Variants in RGS12 observed in about 807,000 individuals in gnomAD.
RGS12 encodes regulator of G-protein signaling 12.
A neutral mutation model predicts 120.1 loss-of-function variants in RGS12; 66 were observed. The ratio of observed to expected loss-of-function variants is 0.55; its 90% CI spans 0.45 to 0.67. RGS12 has a LOEUF of 0.67. Ranked by LOEUF, RGS12 falls within the 30% of genes least tolerant of loss-of-function variation. The pLI is 0.00. For missense variants in RGS12, 1,859 were observed against 1,957.7 expected, an observed-to-expected ratio of 0.95 and a Z score of 0.95; for synonymous variants, 827 against 804.7, an observed-to-expected ratio of 1.03 and a Z score of -0.47.
intron 6 of RGS12, among the ~76,000 whole-genome samples, chr4:3,415,729 G>T (rs570557583): frequency 6.6e-6 from 1 of 152,260 alleles, no homozygotes; most frequent in Non-Finnish European, 1.5e-5. Flanking sequence ...TTGCCCCTGC[G>T]CAGCTGCTGC....
intron 13 of RGS12, among the ~76,000 whole-genome samples, chr4:3,424,164 A>G (rs1206800259): frequency 1.3e-5 from 2 of 152,254 alleles, no homozygotes; most frequent in African/African-American, 4.8e-5. Context: ...TGGTGACCGC[A>G]GGTGCTGGGC....
Position 3,422,870 on chromosome 4 carries a change from G to C in RGS12, c.3034-35G>C, listed in dbSNP as rs199576630. The C allele has an allele frequency of 4.9e-4, 776 of 1,589,814 alleles. 5 individuals are homozygous for C. In the African/African-American group the frequency reaches 9.4e-3, roughly 19 times the overall value. ...GTCTGCGTTTGGGGGGCTGCCTGCT[G>C]TGCCCACGTTGATTCTGGTCTCTCT... On this transcript the variant is annotated intron_variant, in intron 11 of 17. Coordinates refer to ENST00000336727, the MANE Select transcript of RGS12 (RefSeq NM_001394154.1).
chr4:3,383,379 G>A (rs1369714548), intron 3 of RGS12, among the ~76,000 whole-genome samples: 1 of 152,072 alleles, frequency 6.6e-6, no homozygotes. Context: ...GGTCAAGGTG[G>A]GAGGATTGCT....
chr4:3,431,222 T>C (rs1268839119), intron 17 of RGS12: 5 of 1,332,572 alleles, frequency 3.8e-6, no homozygotes, highest in Non-Finnish European at 4.8e-6. Context: ...GAATGATACG[T>C]GGCAGTGCCT....
At chr4:3,401,632 G>A (rs753315464) in intron 4 of RGS12, among the ~76,000 whole-genome samples, 11 of 152,242 alleles carry the variant, frequency 7.2e-5, no homozygotes, top group Non-Finnish European at 1.6e-4. Context: ...AGGAAGGAGC[G>A]GAGCTCTGAG....
intron 3 of RGS12, among the ~76,000 whole-genome samples, chr4:3,349,617 C>T (rs918538972): frequency 2.6e-5 from 4 of 151,974 alleles, no homozygotes; most frequent in Non-Finnish European, 5.9e-5. Flanking sequence ...CCTTACTTTT[C>T]GTATACTTTG....
At chr4:3,439,375 G>A in intron 17 of RGS12, 80 bp from the exon 18 acceptor site, 1 of 1,381,302 alleles carries the variant, frequency 7.2e-7, no homozygotes, top group Non-Finnish European at 1.0e-6. Context: ...GTCTGTGCAG[G>A]GGCCTTCGGG....
At chr4:3,420,462 G>T (rs1722883636) in intron 9 of RGS12, 180 bp from the exon 10 acceptor site, 3 of 656,484 alleles carry the variant, frequency 4.6e-6, no homozygotes, top group Non-Finnish European at 8.1e-6. Context: ...GGCTTCCAGG[G>T]TTAGGAAGAC....
chr4:3,318,004 A>G lies in RGS12; in HGVS notation c.1834A>G (p.Ile612Val). Residue 612 changes from isoleucine to valine, a missense_variant, in exon 2 of 18, where the codon ATT becomes GTT. Physicochemically the swap from Ile to Val is conservative, Grantham distance 29 (BLOSUM62 3). Coordinates refer to ENST00000336727, the MANE Select transcript of RGS12 (RefSeq NM_001394154.1). The part of the protein sequence containing the change: ...WSRKAFGMQS[I>V]FGPHRNVRKT... ...CAGGAAGGCCTTTGGAATGCAAAGC[A>G]TTTTTGGTCCCCATCGAAATGTTCG... is the stretch of plus-strand genomic sequence containing the variant. 1.2e-6 allele frequency: 2 copies of G among 1,611,958 alleles called. No individual in the cohort carries two copies. The highest frequency in any genetic ancestry group is 1.7e-6 in the Non-Finnish European group (2 of 1,179,074).
intron 6 of RGS12, among the ~76,000 whole-genome samples, chr4:3,415,644 C>T (rs904262324): frequency 2.6e-5 from 4 of 152,206 alleles, no homozygotes; most frequent in African/African-American, 7.2e-5. Context: ...TTCGTCTGCT[C>T]GCAATGCTCA....
chr4:3,348,459 T>C (rs569732623), intron 3 of RGS12, among the ~76,000 whole-genome samples: 1 of 152,314 alleles, frequency 6.6e-6, no homozygotes, highest in South Asian at 2.1e-4. Context: ...TTGGTTTGCC[T>C]GGAAGTAGAA....
intron 1 of RGS12, among the ~76,000 whole-genome samples, chr4:3,310,065 T>C (rs1440164083): frequency 1.6e-5 from 2 of 121,788 alleles, no homozygotes; most frequent in African/African-American, 3.3e-5. Flanking sequence ...GGGAACCGTG[T>C]GGGGGAGGAG....
chr4:3,304,306 T>C (rs1463903149), intron 1 of RGS12, among the ~76,000 whole-genome samples: 1 of 152,246 alleles, frequency 6.6e-6, no homozygotes, highest in Non-Finnish European at 1.5e-5. Flanking sequence ...AAACTACTCA[T>C]AATGTTGGTG....
chr4:3,427,074 C>T (rs1364400718), intron 14 of RGS12, among the ~76,000 whole-genome samples: 5 of 152,200 alleles, frequency 3.3e-5, no homozygotes, highest in Non-Finnish European at 7.3e-5. Context: ...AACTCTTGCT[C>T]CCCTCCCCAA....
At chr4:3,394,997 C>T (rs754868005) in intron 4 of RGS12, among the ~76,000 whole-genome samples, 2 of 151,738 alleles carry the variant, frequency 1.3e-5, no homozygotes, top group Admixed American at 6.6e-5. Context: ...GGCAAAACCC[C>T]GTCTCTACCA....
intron 4 of RGS12, among the ~76,000 whole-genome samples, chr4:3,397,467 G>A (rs1364081263): frequency 6.6e-6 from 1 of 152,194 alleles, no homozygotes; most frequent in Non-Finnish European, 1.5e-5. Flanking sequence ...GGGGTCGCGA[G>A]GAACCCAAGA....
intron 2 of RGS12, chr4:3,324,470 C>T (rs1725428479): frequency 8.5e-6 from 2 of 236,000 alleles, no homozygotes; most frequent in African/African-American, 2.3e-5. Context: ...CTGGTTGGTA[C>T]TGTGGGCCAG....
At chr4:3,438,242 G>T (rs1328916699) in intron 17 of RGS12, among the ~76,000 whole-genome samples, 2 of 151,736 alleles carry the variant, frequency 1.3e-5, no homozygotes, top group African/African-American at 4.8e-5. Flanking sequence ...CTGTCTCAGG[G>T]CCTCAGCCCC....
In RGS12 at chr4:3,389,545, G is replaced by A. The variant is rs1719244005; in HGVS notation, c.2020+3108G>A. 1.3e-5 allele frequency among the ~76,000 whole-genome samples: 2 copies of A among 152,128 alleles called. No homozygotes were observed. Among genetic ancestry groups the A allele is most frequent in the African/African-American group, 2.4e-5 (1 of 41,412 alleles). ...TGGCTCTGCACAGAGCTGGAGCCGC[G>A]GCCGCACAGAAGCCCGTTCTTGTGG... On this transcript the variant is annotated intron_variant, in intron 4 of 17. Coordinates refer to ENST00000336727, the MANE Select transcript of RGS12 (RefSeq NM_001394154.1). The surrounding 1 kb of genome is among the most constrained non-coding windows in gnomAD (Gnocchi z 5.2).
Sources: allele counts gnomAD v4.1 joint callset (sites outside exome capture counted in the v4.1 genomes callset), GRCh38; gene constraint gnomAD v4.1.1; non-coding constraint Gnocchi (gnomAD v3.1); transcripts MANE v1.5; gene names NCBI Gene and HGNC (gene_info 2026-07-23, HGNC 2026-07-21).